Variants in ZDHHC15 observed in about 807,000 individuals in gnomAD.
ZDHHC15 encodes the protein zDHHC palmitoyltransferase 15.
Under a neutral mutation model 31.7 loss-of-function variants are expected in ZDHHC15, and 19 were observed. The ratio of observed to expected loss-of-function variants is 0.60; its 90% CI spans 0.42 to 0.88. The LOEUF (loss-of-function observed/expected upper bound fraction) is 0.88. ZDHHC15 is among the 40% of genes least tolerant of loss of function. ZDHHC15 has a pLI of 0.00. For synonymous variants in ZDHHC15, 103 were observed against 90.0 expected (o/e 1.14, Z -0.82); for missense variants, 209 against 251.2 (o/e 0.83, Z 1.14).
intron 1 of ZDHHC15, among the ~76,000 whole-genome samples, chrX:75,521,234 T>C (rs2085437309): frequency 9.1e-6 from 1 of 110,457 alleles, no homozygotes; most frequent in Non-Finnish European, 1.9e-5. Flanking sequence ...GCCACAAGTT[T>C]AAGGGTGCTG....
At chrX:75,402,805 C>A (rs1313217553) in intron 10 of ZDHHC15, among the ~76,000 whole-genome samples, 1 of 110,838 alleles carries the variant, frequency 9.0e-6, no homozygotes, top group Non-Finnish European at 1.9e-5. Context: ...TACGAGATTA[C>A]AAAGAGCTGG....
intron 2 of ZDHHC15, 111 bp from the exon 3 acceptor site, chrX:75,479,096 C>A (rs752858541): frequency 1.1e-5 from 5 of 475,180 alleles, no homozygotes; most frequent in African/African-American, 5.0e-5. Flanking sequence ...AACATGTATT[C>A]TCTGGTATTA....
chrX:75,452,576 C>A (rs984909308), intron 3 of ZDHHC15, among the ~76,000 whole-genome samples: 3 of 111,850 alleles, frequency 2.7e-5, no homozygotes, highest in African/African-American at 9.8e-5. Flanking sequence ...CCCAAATCCA[C>A]AGAATATACA....
rs754428129 is a variant in ZDHHC15 at position 75,369,888 on chromosome X, G to A, written c.*3090C>T. 3.6e-5 allele frequency: 4 copies of A among 111,704 alleles called. No homozygotes were observed. Among genetic ancestry groups the A allele is most frequent in the Non-Finnish European group, 7.5e-5 (4 of 53,210 alleles). The allele number at this position is 111,704 out of a possible 1,213,427, so 9.2% of individuals were successfully genotyped here. A position where few individuals can be genotyped will look rare whatever the true frequency, so the allele number is the denominator to read the frequency against. On this transcript the variant is annotated 3_prime_UTR_variant, in exon 12 of 12. Coordinates refer to ENST00000373367, the MANE Select transcript of ZDHHC15 (RefSeq NM_144969.3). ...ACAATGTACTGAACATGGTAACTGT[G>A]AGCCCTGCATAAGACAGCTGTGTTC...
rs1034052201 is a variant in ZDHHC15 at position 75,429,009 on chromosome X, G to A, written c.603+69C>T. On this transcript the variant is annotated intron_variant, in intron 7 of 11. Coordinates refer to ENST00000373367, the MANE Select transcript of ZDHHC15 (RefSeq NM_144969.3). ...TTAAAAATGTAAAAAGATAGAGGGT[G>A]AACAATGTCACAAGTTGGAGTGGGT... 14 of 1,166,259 alleles carry A rather than the reference G, an allele frequency of 1.2e-5. No homozygotes were observed. The East Asian group carries it at 4.3e-4, about 35-fold the overall frequency.
intron 3 of ZDHHC15, among the ~76,000 whole-genome samples, chrX:75,468,853 A>G (rs1297148795): frequency 8.9e-6 from 1 of 111,894 alleles, no homozygotes; most frequent in Non-Finnish European, 1.9e-5. Context: ...GGCTATTTGT[A>G]TATATTCTTT....
chrX:75,370,523 C>CTTTTTTTTTTT lies in ZDHHC15; in HGVS notation c.*2444_*2454dup, dbSNP rs201758247. The CTTTTTTTTTTT allele has an allele frequency of 1.2e-5, 1 of 81,287 alleles. No individual in the cohort carries two copies. Among genetic ancestry groups the CTTTTTTTTTTT allele is most frequent in the African/African-American group, 5.2e-5 (1 of 19,113 alleles). The allele number at this position is 81,287 out of a possible 1,213,427, so 6.7% of individuals were successfully genotyped here. ...CCTGGTAAAACCCTGATTTATTTGG[C>CTTTTTTTTTTT]TTTTTTTTTTTTTTTTTTTTTTTTT... On this transcript the variant is annotated 3_prime_UTR_variant, in exon 12 of 12. Coordinates refer to ENST00000373367, the MANE Select transcript of ZDHHC15 (RefSeq NM_144969.3).
At chrX:75,480,970 T>C (rs1164103147) in intron 2 of ZDHHC15, among the ~76,000 whole-genome samples, 1 of 111,522 alleles carries the variant, frequency 9.0e-6, no homozygotes, top group Non-Finnish European at 1.9e-5. Flanking sequence ...GAGCGCCTCT[T>C]CCATTGCCCT....
chrX:75,403,676 G>A (rs2083381820), intron 10 of ZDHHC15, among the ~76,000 whole-genome samples: 2 of 111,799 alleles, frequency 1.8e-5, no homozygotes, highest in Admixed American at 9.5e-5. Context: ...AACCAGGGAG[G>A]TGAAAGATCT....
intron 9 of ZDHHC15, among the ~76,000 whole-genome samples, chrX:75,418,983 T>C (rs2083584658): frequency 8.9e-6 from 1 of 112,361 alleles, no homozygotes; most frequent in Non-Finnish European, 1.9e-5. Context: ...AAAGAGTTTC[T>C]ACACAGCAAA....
At chrX:75,406,197 C>A (rs1165145674) in intron 10 of ZDHHC15, among the ~76,000 whole-genome samples, 1 of 110,380 alleles carries the variant, frequency 9.1e-6, no homozygotes, top group Non-Finnish European at 1.9e-5. Flanking sequence ...TAGGACACAG[C>A]AAAGCAGTAC....
chrX:75,414,460 C>T (rs1388858640), intron 10 of ZDHHC15, among the ~76,000 whole-genome samples: 21 of 85,368 alleles, frequency 2.5e-4, no homozygotes, highest in Non-Finnish European at 2.6e-4. Flanking sequence ...GACACAGTCT[C>T]GCTCTGTCGC....
chrX:75,397,474 C>T (rs761551138), intron 10 of ZDHHC15, among the ~76,000 whole-genome samples: 11 of 111,149 alleles, frequency 9.9e-5, no homozygotes, highest in Non-Finnish European at 2.1e-4. Context: ...ACATTGTATA[C>T]CTGTATTAAG....
chrX:75,385,489 C>A (rs1258079755), intron 10 of ZDHHC15, among the ~76,000 whole-genome samples: 1 of 111,830 alleles, frequency 8.9e-6, no homozygotes, highest in Non-Finnish European at 1.9e-5. Context: ...CAAACTGATA[C>A]CAATTTACCT....
At chrX:75,444,675 TATATATATATATAC>T (rs1157573863) in intron 4 of ZDHHC15, among the ~76,000 whole-genome samples, 6 of 40,882 alleles carry the variant, frequency 1.5e-4, no homozygotes, top group East Asian at 2.2e-3. Flanking sequence ...TATATATATA[TATATATATATATAC>T]ACACACACAC....
At chrX:75,386,142 A>C (rs1436375912) in intron 10 of ZDHHC15, among the ~76,000 whole-genome samples, 8 of 112,035 alleles carry the variant, frequency 7.1e-5, no homozygotes, top group Non-Finnish European at 1.5e-4. Flanking sequence ...AATGGGTGTC[A>C]TATAAAGAAA....
chrX:75,478,709 G>C (rs2084643297), intron 3 of ZDHHC15, among the ~76,000 whole-genome samples, 182 bp downstream of exon 3: 1 of 111,372 alleles, frequency 9.0e-6, no homozygotes, highest in Non-Finnish European at 1.9e-5. Context: ...ATCCAGAGCT[G>C]GTGATTTCAC....
At chrX:75,505,914 A>AGAGAG in intron 1 of ZDHHC15, 67 bp from the exon 2 acceptor site, 1 of 986,300 alleles carries the variant, frequency 1.0e-6, no homozygotes, top group Non-Finnish European at 1.4e-6. Flanking sequence ...AGAGAGAGAG[A>AGAGAG]AATTAGTTAT....
intron 10 of ZDHHC15, among the ~76,000 whole-genome samples, chrX:75,399,476 T>C (rs2147791588): frequency 8.9e-6 from 1 of 112,251 alleles, no homozygotes; most frequent in Non-Finnish European, 1.9e-5. Flanking sequence ...AACCCCTGGC[T>C]TGGGCATAAA....
Sources: gnomAD v4.1 joint callset for allele counts (sites outside exome capture counted in the v4.1 genomes callset) on GRCh38, gnomAD v4.1.1 for gene constraint, MANE v1.5 for transcripts, NCBI Gene and HGNC (gene_info 2026-07-23, HGNC 2026-07-21) for gene names.